Variants in WDR90 observed in about 807,000 individuals in gnomAD.
The protein encoded by WDR90 is WD repeat domain 90.
A neutral mutation model predicts 195.2 loss-of-function variants in WDR90; 238 were observed. The ratio of observed to expected loss-of-function variants is 1.22; its 90% CI spans 1.10 to 1.36. The LOEUF (loss-of-function observed/expected upper bound fraction) is 1.36, where lower values mean the gene tolerates loss of function less well. Among genes scored for constraint, WDR90 ranks in the 40% most tolerant of loss-of-function variants. WDR90 has a pLI of 0.00. For synonymous variants in WDR90, 1,265 were observed against 1,052.4 expected (o/e 1.20, Z -3.91); for missense variants, 2,734 against 2,439.5 (o/e 1.12, Z -2.54).
chr16:664,738 G>GGCATGATCTTGGCTCACT (rs2037988421), intron 34 of WDR90, among the ~76,000 whole-genome samples: 1 of 150,978 alleles, frequency 6.6e-6, no homozygotes, highest in Non-Finnish European at 1.5e-5. Flanking sequence ...GGAGTGCAGT[G>GGCATGATCTTGGCTCACT]GCATGATCTT....
At chr16:652,659 T>A in intron 10 of WDR90, 124 bp downstream of exon 10, 1 of 1,059,662 alleles carries the variant, frequency 9.4e-7, no homozygotes, top group Non-Finnish European at 1.3e-6. Flanking sequence ...CGAGCCCCCC[T>A]GGCACAGCGG....
chr16:653,281 C>A, intron 10 of WDR90, 60 bp from the exon 11 acceptor site: 1 of 1,384,472 alleles, frequency 7.2e-7, no homozygotes. Context: ...GCTGACCTCC[C>A]GGCAGCCAGG....
At chr16:650,891 T>TG in intron 5 of WDR90, 104 bp from the exon 6 acceptor site, 8 of 1,491,574 alleles carry the variant, frequency 5.4e-6, no homozygotes, top group Non-Finnish European at 7.4e-6. Context: ...AGCCCTGGGG[T>TG]GGGGCGGTGG....
chr16:659,175 G>T (rs1189590899), intron 25 of WDR90, 49 bp downstream of exon 25: 3 of 1,609,898 alleles, frequency 1.9e-6, no homozygotes, highest in South Asian at 1.1e-5. Context: ...TGACTCTGGG[G>T]CCCGTCCTGT....
intron 1 of WDR90, 21 bp downstream of exon 1, chr16:649,447 G>T (rs533857733): frequency 1.3e-4 from 172 of 1,298,072 alleles, no homozygotes; most frequent in Admixed American, 1.3e-4. Context: ...GCTGGCGGGG[G>T]TCCCGAGGAT....
At chr16:658,825 C>T (rs2037820077) in intron 23 of WDR90, 71 bp from the exon 24 acceptor site, 2 of 1,588,690 alleles carry the variant, frequency 1.3e-6, no homozygotes, top group Non-Finnish European at 1.7e-6. Context: ...GCTCACCGTC[C>T]CTGGGGACTG....
At position 661,676 on chromosome 16, in the gene WDR90, G is replaced by A. The variant is rs200356419; in HGVS notation, c.3753G>A (p.Pro1251=). ...TGTCCTCCACCCGCCTCCCGGAGCC[G>A]GTGCATGGTGTGGCCTTCAACCCCT... is the stretch of plus-strand genomic sequence containing the variant. ...DLVSSTRLPE[P]VHGVAFNPWD... is the part of the protein sequence containing the mutation. Residue 1251 remains proline, a synonymous_variant, in exon 31 of 41, where the codon CCG becomes CCA. Coordinates refer to ENST00000293879, the MANE Select transcript of WDR90 (RefSeq NM_145294.5). 2.4e-5 allele frequency: 39 copies of A among 1,612,040 alleles called. No homozygotes were observed. The highest frequency in any genetic ancestry group is 1.4e-4 in the South Asian group (13 of 91,058).
At chr16:657,045 C>A in intron 19 of WDR90, 46 bp from the exon 20 acceptor site, 1 of 1,588,604 alleles carries the variant, frequency 6.3e-7, no homozygotes, top group Non-Finnish European at 8.5e-7. Flanking sequence ...CCCATGGTAC[C>A]TGGGCTTCGG....
intron 9 of WDR90, 55 bp from the exon 10 acceptor site, chr16:652,412 C>A: frequency 6.5e-7 from 1 of 1,546,586 alleles, no homozygotes; most frequent in Non-Finnish European, 8.8e-7. Context: ...GTTGGTCGGG[C>A]ATTCTGGGGA....
chr16:661,364 G>A lies in WDR90; in HGVS notation c.3536G>A (p.Arg1179Gln), dbSNP rs540761626. The change falls in exon 30 of 41, where the codon CGA (arginine) becomes CAA (glutamine). Residue 1179 changes from arginine (R) to glutamine (Q), a missense_variant. Coordinates refer to ENST00000293879, the MANE Select transcript of WDR90 (RefSeq NM_145294.5). ...SAQVLASASG[R>Q]SSTTAHCQIR... Reference sequence around the variant, plus strand: ...CAGGTCCTGGCCTCTGCCTCGGGCCGAAGCAGCACGACCGCCCATTGTCAG... The same window carrying A: ...CAGGTCCTGGCCTCTGCCTCGGGCCAAAGCAGCACGACCGCCCATTGTCAG... 1.3e-4 allele frequency: 214 copies of A among 1,607,878 alleles called. No homozygotes were observed. The South Asian group carries it at 2.1e-3, about 16-fold the overall frequency.
intron 1 of WDR90, 122 bp from the exon 2 acceptor site, chr16:649,641 C>G (rs2037597949): frequency 1.7e-6 from 2 of 1,177,084 alleles, no homozygotes; most frequent in African/African-American, 1.6e-5. Flanking sequence ...CTGGCGTTGG[C>G]GTCGCCGGGG....
At chr16:658,085 G>A (rs1034516800) in intron 21 of WDR90, 98 bp from the exon 22 acceptor site, 28 of 1,502,130 alleles carry the variant, frequency 1.9e-5, no homozygotes, top group Non-Finnish European at 2.1e-5. Flanking sequence ...CCTGGGTGCC[G>A]AGTGCGTGTC....
intron 10 of WDR90, 146 bp from the exon 11 acceptor site, chr16:653,195 C>T (rs188721714): frequency 1.7e-4 from 106 of 621,520 alleles, no homozygotes; most frequent in Middle Eastern, 4.3e-4. Flanking sequence ...TTCTCTCTTG[C>T]CCCTGGGTGG....
chr16:661,012 CCCCG>C lies in WDR90; in HGVS notation c.3392-38_3392-35del, dbSNP rs2037896007. 52 of 206,188 alleles carry C rather than the reference CCCCG, an allele frequency of 2.5e-4. 8 individuals are homozygous for C. In the East Asian group the frequency reaches 7.1e-3, roughly 28 times the overall value. 12.8% of individuals were successfully genotyped at this position (206,188 alleles called of 1,614,324 possible). On this transcript the variant is annotated intron_variant, in intron 28 of 40. Transcript: ENST00000293879. ...CAGGCCCCTCCCCGCCCCCCCCCCCCCCCGGCCCGGCCTCAGGCCCCGCCCTCTC... is the reference window on the plus strand; with the variant it reads ...CAGGCCCCTCCCCGCCCCCCCCCCCCGCCCGGCCTCAGGCCCCGCCCTCTC...
chr16:654,691 C>T (rs2036556772), intron 13 of WDR90: 3 of 332,558 alleles, frequency 9.0e-6, no homozygotes, highest in Admixed American at 4.4e-5. Flanking sequence ...CTCAAGCAGT[C>T]CTCCCACCTC....
intron 26 of WDR90, 96 bp downstream of exon 26, chr16:659,472 G>C (rs2037844660): frequency 3.4e-6 from 5 of 1,481,356 alleles, no homozygotes; most frequent in Middle Eastern, 2.0e-4. Context: ...CCAGCTCTGG[G>C]GTGCAGGTGC....
Position 650,256 on chromosome 16 carries a change from C to T in WDR90, c.282C>T (p.Asp94=), listed in dbSNP as rs2037616433. ...ACGGCCCTGCTCCGTCCCCACAGGA[C>T]AACCAAGTCATCCGTGTGTCTTTCT... ...FVIHLDVSSK[D]NQVIRVSFSN... is the part of the protein sequence containing the mutation. Residue 94 remains aspartate, a splice_region_variant and synonymous_variant, in exon 4 of 41, where the codon GAC becomes GAT. Coordinates refer to ENST00000293879, the MANE Select transcript of WDR90 (RefSeq NM_145294.5). The T allele has an allele frequency of 1.9e-6, 3 of 1,612,870 alleles. No individual in the cohort carries two copies. The East Asian group carries it at 6.7e-5, about 36-fold the overall frequency.
At chr16:649,480 T>G (rs897429337) in intron 1 of WDR90, 54 bp downstream of exon 1, 6 of 1,284,120 alleles carry the variant, frequency 4.7e-6, no homozygotes, top group African/African-American at 3.1e-5. Flanking sequence ...GGTTCCGGGG[T>G]CCAGGGTCGG....
chr16:656,519 C>A lies in WDR90; in HGVS notation c.2184C>A (p.Asp728Glu). The A allele has an allele frequency of 1.1e-5, 18 of 1,569,434 alleles. No homozygotes were observed. The highest frequency in any genetic ancestry group is 1.6e-5 in the Non-Finnish European group (18 of 1,158,952). The part of the protein sequence containing the change: ...VSQDRTVRIW[D>E]LATLQQLYDF... ...AGGACCGTACCGTCCGCATCTGGGA[C>A]CTGGCCACCCTGCAGCAGGTGGGGT... is the stretch of plus-strand genomic sequence containing the variant. Residue 728 changes from aspartate (D) to glutamate (E), a missense_variant, in exon 18 of 41, where the codon GAC becomes GAA. Asp to Glu is a conservative substitution (Grantham distance 45). Coordinates refer to ENST00000293879, the MANE Select transcript of WDR90 (RefSeq NM_145294.5).
Sources: allele counts gnomAD v4.1 joint callset (sites outside exome capture counted in the v4.1 genomes callset), GRCh38; gene constraint gnomAD v4.1.1; transcripts MANE v1.5; gene names NCBI Gene and HGNC (gene_info 2026-07-23, HGNC 2026-07-21).